Variants in ADAM23 observed in about 807,000 individuals in gnomAD.
The protein encoded by ADAM23 is ADAM metallopeptidase domain 23.
A neutral mutation model predicts 120.1 loss-of-function variants in ADAM23; 33 were observed. The ratio of observed to expected loss-of-function variants is 0.27; its 90% confidence interval spans 0.21 to 0.37. The LOEUF (loss-of-function observed/expected upper bound fraction) is 0.37, where lower values mean the gene tolerates loss of function less well. ADAM23 is among the 10% of genes least tolerant of loss of function. ADAM23 has a pLI of 1.00. For synonymous variants in ADAM23, 367 were observed against 375.2 expected (o/e 0.98, Z 0.25); for missense variants, 862 against 1,058.2 (o/e 0.81, Z 2.57).
At chr2:206,549,877 G>A (rs10164490) in intron 8 of ADAM23, among the ~76,000 whole-genome samples, 94,230 of 151,800 alleles carry the variant, frequency 0.62, 29,542 homozygotes, top group African/African-American at 0.66. Flanking sequence ...GTACCTTAAT[G>A]ATAATAAAAT....
chr2:206,513,671 A>C (rs981046262), intron 3 of ADAM23, among the ~76,000 whole-genome samples: 1 of 152,254 alleles, frequency 6.6e-6, no homozygotes. Context: ...TTTTCAATGT[A>C]GATGAAACAG....
At chr2:206,613,557 C>T (rs1698876962) in intron 25 of ADAM23, among the ~76,000 whole-genome samples, 1 of 152,182 alleles carries the variant, frequency 6.6e-6, no homozygotes, top group Non-Finnish European at 1.5e-5. Context: ...TCTTCCCCAT[C>T]ACCCACACAC....
At chr2:206,541,907 C>A in intron 4 of ADAM23, 145 bp from the exon 5 acceptor site, 2 of 766,054 alleles carry the variant, frequency 2.6e-6, no homozygotes, top group South Asian at 2.1e-5. Context: ...GTCTTATTTG[C>A]AACTTTATAT....
At chr2:206,525,657 T>C (rs1262478038) in intron 3 of ADAM23, among the ~76,000 whole-genome samples, 2 of 151,712 alleles carry the variant, frequency 1.3e-5, no homozygotes, top group African/African-American at 4.8e-5. Flanking sequence ...AGTGGTGTGA[T>C]CTCGGCTCAC....
At chr2:206,450,662 G>C (rs1179787065) in intron 2 of ADAM23, among the ~76,000 whole-genome samples, 1 of 152,146 alleles carries the variant, frequency 6.6e-6, no homozygotes, top group East Asian at 1.9e-4. Context: ...AAAAATGCCT[G>C]TATCAACAAT....
At chr2:206,569,161 T>C (rs1269517962) in intron 15 of ADAM23, among the ~76,000 whole-genome samples, 1 of 152,222 alleles carries the variant, frequency 6.6e-6, no homozygotes, top group East Asian at 1.9e-4. Context: ...GAGCTAATTA[T>C]AAGCATCATG....
chr2:206,457,271 T>C (rs1369711293), intron 2 of ADAM23, among the ~76,000 whole-genome samples: 1 of 152,228 alleles, frequency 6.6e-6, no homozygotes, highest in African/African-American at 2.4e-5. Flanking sequence ...ATGATTATTA[T>C]TTCTGTGTTC....
At chr2:206,605,223 T>A (rs1247583605) in intron 24 of ADAM23, among the ~76,000 whole-genome samples, 1 of 152,238 alleles carries the variant, frequency 6.6e-6, no homozygotes, top group Non-Finnish European at 1.5e-5. Context: ...AAACAAAATG[T>A]CTAAATACTA....
chr2:206,445,261 G>C (rs1279482904), intron 1 of ADAM23, 46 bp from the exon 2 acceptor site: 3 of 1,360,464 alleles, frequency 2.2e-6, no homozygotes, highest in Non-Finnish European at 3.1e-6. Flanking sequence ...GTGTGTGTTT[G>C]TGTATGTTTG....
At chr2:206,457,935 T>A (rs1559215568) in intron 2 of ADAM23, among the ~76,000 whole-genome samples, 3 of 152,228 alleles carry the variant, frequency 2.0e-5, no homozygotes, top group African/African-American at 7.2e-5. Flanking sequence ...AAATTTAAAC[T>A]TTTTGTCAGC....
intron 4 of ADAM23, among the ~76,000 whole-genome samples, chr2:206,535,942 A>G (rs979499892): frequency 6.6e-6 from 1 of 152,206 alleles, no homozygotes; most frequent in Non-Finnish European, 1.5e-5. Flanking sequence ...ACTGAATTTT[A>G]TACTTAAAAA....
In ADAM23 at chr2:206,596,213, G is replaced by A. The variant is rs751699094; in HGVS notation, c.2359+51G>A. The A allele has an allele frequency of 4.5e-6, 6 of 1,342,624 alleles. No individual in the cohort carries two copies. The East Asian group carries it at 9.3e-5, about 21-fold the overall frequency. The allele number at this position is 1,342,624 out of a possible 1,614,324, so 83.2% of individuals were successfully genotyped here. A position where few individuals can be genotyped will look rare whatever the true frequency, so the allele number is the denominator to read the frequency against. On this transcript the variant is annotated intron_variant, in intron 24 of 25. Transcript: ENST00000264377. ...ATGGAATACTGAATTCGTTGACACT[G>A]TTCCAATGCACCAGTATAACATTCT... is the stretch of plus-strand genomic sequence containing the variant.
intron 4 of ADAM23, among the ~76,000 whole-genome samples, chr2:206,541,378 G>A (rs976196804): frequency 6.6e-6 from 1 of 152,110 alleles, no homozygotes; most frequent in African/African-American, 2.4e-5. Context: ...GGGGGTGAGA[G>A]AGGTTTTCGA....
At chr2:206,591,038 C>T (rs1199805973) in intron 21 of ADAM23, among the ~76,000 whole-genome samples, 3 of 152,100 alleles carry the variant, frequency 2.0e-5, no homozygotes, top group Non-Finnish European at 4.4e-5. Context: ...TTGAAAAAAT[C>T]ATGAAATATA....
chr2:206,538,536 A>G (rs902217570), intron 4 of ADAM23, among the ~76,000 whole-genome samples: 3 of 152,156 alleles, frequency 2.0e-5, no homozygotes, highest in African/African-American at 7.2e-5. Context: ...TTCTTTTCAA[A>G]TGTTTATCCA....
Position 206,590,821 on chromosome 2 carries a change from C to A in ADAM23, c.1958+1307C>A, listed in dbSNP as rs149047964. The stretch of plus-strand genomic sequence containing the variant: ...AGGAGCAAGGGGAGCCTGAAGTAGT[C>A]AAAATCCATGGGATTGGACATCTTG... On this transcript the variant is annotated intron_variant, in intron 21 of 25. Transcript: ENST00000264377. Among the ~76,000 whole-genome samples, 38 of 152,296 alleles carry A rather than the reference C, an allele frequency of 2.5e-4. No individual in the cohort carries two copies. In the East Asian group the frequency reaches 2.9e-3, roughly 12 times the overall value.
intron 2 of ADAM23, among the ~76,000 whole-genome samples, chr2:206,446,121 A>G (rs534978850): frequency 9.8e-5 from 15 of 152,342 alleles, no homozygotes; most frequent in Admixed American, 3.9e-4. Flanking sequence ...ATGAAGACCA[A>G]TTTTGATTGG....
At chr2:206,590,021 G>A (rs80177820) in intron 21 of ADAM23, among the ~76,000 whole-genome samples, 2,757 of 152,078 alleles carry the variant, frequency 0.018, 43 homozygotes, top group Non-Finnish European at 0.029. Flanking sequence ...CTTCCAAAAA[G>A]CATCTAGTTA....
At chr2:206,507,602 T>C (rs375707148) in intron 3 of ADAM23, among the ~76,000 whole-genome samples, 1 of 152,192 alleles carries the variant, frequency 6.6e-6, no homozygotes, top group African/African-American at 2.4e-5. Context: ...GGCTCAGGTA[T>C]TTCTTTATAG....
Sources: gnomAD v4.1 joint callset for allele counts (sites outside exome capture counted in the v4.1 genomes callset) on GRCh38, gnomAD v4.1.1 for gene constraint, MANE v1.5 for transcripts, NCBI Gene and HGNC (gene_info 2026-07-23, HGNC 2026-07-21) for gene names.